Variants in ATP9B observed in about 807,000 individuals in gnomAD.
ATP9B encodes the protein ATPase phospholipid transporting 9B, also known as probable phospholipid-transporting ATPase IIB.
A neutral mutation model predicts 146.1 loss-of-function variants in ATP9B; 110 were observed. That is an observed-to-expected ratio of 0.75 (90% CI 0.65 to 0.88). The LOEUF (loss-of-function observed/expected upper bound fraction) is 0.88. ATP9B is among the 40% of genes least tolerant of loss of function. ATP9B has a pLI of 0.00. For missense variants in ATP9B, 1,499 were observed against 1,496.4 expected (o/e 1.00, Z -0.03); for synonymous variants, 604 against 569.7 (o/e 1.06, Z -0.86).
chr18:79,092,299 C>T (rs186205609), intron 1 of ATP9B, among the ~76,000 whole-genome samples: 38 of 152,298 alleles, frequency 2.5e-4, no homozygotes, highest in African/African-American at 9.1e-4. Flanking sequence ...TAGCCTATTG[C>T]TCCTAGGCTA....
chr18:79,293,627 C>T (rs1179308569), intron 13 of ATP9B, among the ~76,000 whole-genome samples: 1 of 152,188 alleles, frequency 6.6e-6, no homozygotes, highest in Non-Finnish European at 1.5e-5. Context: ...GCCTCCAGAA[C>T]TGTAAGCAAT....
intron 1 of ATP9B, among the ~76,000 whole-genome samples, chr18:79,075,917 C>T: frequency 6.6e-6 from 1 of 152,102 alleles, no homozygotes; most frequent in Non-Finnish European, 1.5e-5. Flanking sequence ...TAGCGTTCTT[C>T]AGTGTATTTC....
intron 12 of ATP9B, among the ~76,000 whole-genome samples, chr18:79,258,774 A>G (rs890336983): frequency 6.6e-6 from 1 of 152,134 alleles, no homozygotes; most frequent in African/African-American, 2.4e-5. Flanking sequence ...TCTCACACCC[A>G]CTTCAACACA....
chr18:79,349,903 C>A (rs543502330), intron 25 of ATP9B, among the ~76,000 whole-genome samples: 4 of 150,170 alleles, frequency 2.7e-5, no homozygotes, highest in East Asian at 3.9e-4. Context: ...CACCCCCCCC[C>A]CCACCATGCA....
At chr18:79,073,320 G>A (rs2072181574) in intron 1 of ATP9B, among the ~76,000 whole-genome samples, 1 of 152,180 alleles carries the variant, frequency 6.6e-6, no homozygotes, top group African/African-American at 2.4e-5. Context: ...TCACCCCACT[G>A]CACTCCAGCC....
intron 6 of ATP9B, among the ~76,000 whole-genome samples, chr18:79,151,045 C>T (rs894095115): frequency 2.0e-5 from 3 of 152,160 alleles, no homozygotes; most frequent in African/African-American, 7.2e-5. Flanking sequence ...TTCAGTGTTA[C>T]CCCTCTCAAA....
At chr18:79,265,622 A>C (rs901632753) in intron 12 of ATP9B, among the ~76,000 whole-genome samples, 1 of 150,076 alleles carries the variant, frequency 6.7e-6, no homozygotes, top group African/African-American at 2.4e-5. Context: ...TTGCAAAAAA[A>C]TTTTCTCCCA....
chr18:79,263,018 G>A (rs2096160590), intron 12 of ATP9B, among the ~76,000 whole-genome samples: 1 of 152,078 alleles, frequency 6.6e-6, no homozygotes, highest in Admixed American at 6.5e-5. Flanking sequence ...ACTTCTTGTT[G>A]CACAAGCTAC....
intron 11 of ATP9B, among the ~76,000 whole-genome samples, chr18:79,215,777 G>C (rs564274110): frequency 6.6e-6 from 1 of 151,992 alleles, no homozygotes; most frequent in Non-Finnish European, 1.5e-5. Context: ...GCAGCCTCCA[G>C]CTCCTGGGTT....
chr18:79,132,988 G>T (rs1214106192), intron 5 of ATP9B, among the ~76,000 whole-genome samples: 1 of 152,108 alleles, frequency 6.6e-6, no homozygotes, highest in Non-Finnish European at 1.5e-5. Context: ...TAACTTTTTT[G>T]GGTGTAGGAA....
At chr18:79,149,890 C>T (rs921983781) in intron 6 of ATP9B, among the ~76,000 whole-genome samples, 3 of 151,944 alleles carry the variant, frequency 2.0e-5, no homozygotes, top group East Asian at 1.9e-4. Flanking sequence ...AGACCATCTT[C>T]GCCAACATGG....
chr18:79,168,365 T>TGTTG (rs2095015117), intron 7 of ATP9B, among the ~76,000 whole-genome samples: 1 of 145,326 alleles, frequency 6.9e-6, no homozygotes, highest in Non-Finnish European at 1.5e-5. Flanking sequence ...AAATAAGTTT[T>TGTTG]GTTTTTGATT....
chr18:79,307,850 G>A (rs978814623), intron 15 of ATP9B, among the ~76,000 whole-genome samples: 1 of 152,090 alleles, frequency 6.6e-6, no homozygotes, highest in African/African-American at 2.4e-5. Context: ...ACAGTTTTGT[G>A]TACACTTTGT....
chr18:79,092,118 G>A (rs1359920577), intron 1 of ATP9B, among the ~76,000 whole-genome samples: 1 of 152,142 alleles, frequency 6.6e-6, no homozygotes, highest in Non-Finnish European at 1.5e-5. Flanking sequence ...AGGATGGGGT[G>A]TGATGTTCTG....
At chr18:79,318,972 AAATGTTAAAAATGTTAGGGAAG>A (rs1213543363) in intron 15 of ATP9B, among the ~76,000 whole-genome samples, 1 of 152,188 alleles carries the variant, frequency 6.6e-6, no homozygotes, top group Non-Finnish European at 1.5e-5. Context: ...GAAATTAGAA[AAATGTTAAAAATGTTAGGGAAG>A]AAAAGTGTGT....
At chr18:79,140,951 T>A (rs1371430318) in intron 5 of ATP9B, among the ~76,000 whole-genome samples, 4 of 152,160 alleles carry the variant, frequency 2.6e-5, no homozygotes, top group Non-Finnish European at 5.9e-5. Flanking sequence ...AAGGGAACAT[T>A]TATTGCTAGA....
chr18:79,299,080 A>G (rs529260787), intron 13 of ATP9B, among the ~76,000 whole-genome samples: 3 of 152,206 alleles, frequency 2.0e-5, no homozygotes, highest in East Asian at 3.9e-4. Flanking sequence ...CTGCTGCCAC[A>G]TCATCCTTCA....
intron 9 of ATP9B, among the ~76,000 whole-genome samples, chr18:79,201,825 C>T (rs1240410266): frequency 1.3e-5 from 2 of 152,148 alleles, no homozygotes; most frequent in South Asian, 4.1e-4. Context: ...TCCCAAAGTG[C>T]TGGGATTACA....
intron 5 of ATP9B, among the ~76,000 whole-genome samples, chr18:79,141,421 T>C (rs2147385242): frequency 6.6e-6 from 1 of 152,288 alleles, no homozygotes; most frequent in Non-Finnish European, 1.5e-5. Context: ...CACTATTAAC[T>C]AGTTCATTAA....
Sources: gnomAD v4.1 joint callset for allele counts (sites outside exome capture counted in the v4.1 genomes callset) on GRCh38, gnomAD v4.1.1 for gene constraint, MANE v1.5 for transcripts, NCBI Gene and HGNC (gene_info 2026-07-23, HGNC 2026-07-21) for gene names.